The following NAALADL2 variants were observed in gnomAD, a reference collection of about 807,000 sequenced individuals.
NAALADL2 encodes inactive N-acetylated-alpha-linked acidic dipeptidase-like protein 2.
NAALADL2 carries 76 observed loss-of-function variants against 87.2 expected under a neutral mutation model. The observed-to-expected ratio is 0.87, with a 90% CI of 0.72 to 1.05. NAALADL2 has a LOEUF of 1.05. Among genes scored for constraint, NAALADL2 ranks in the 50% least tolerant of loss-of-function variants. The pLI is 0.00. For synonymous variants in NAALADL2, 354 were observed against 331.0 expected (o/e 1.07, Z -0.75); for missense variants, 1,089 against 945.8 (o/e 1.15, Z -1.99).
intron 9 of NAALADL2, among the ~76,000 whole-genome samples, chr3:175,510,838 G>A (rs1280197451): frequency 6.6e-6 from 1 of 152,074 alleles, no homozygotes. Flanking sequence ...CACCCCTAAA[G>A]TCAGGATGAT....
At chr3:174,748,496 C>T (rs1011464014) in intron 3 of NAALADL2, among the ~76,000 whole-genome samples, 25 of 152,012 alleles carry the variant, frequency 1.6e-4, no homozygotes, top group African/African-American at 5.8e-4. Flanking sequence ...CATTTCAAAC[C>T]TCTGGACCCC....
chr3:175,102,420 C>T (rs1425922334), intron 2 of NAALADL2, among the ~76,000 whole-genome samples: 2 of 152,158 alleles, frequency 1.3e-5, no homozygotes, highest in Admixed American at 6.6e-5. Flanking sequence ...GAATTGACCA[C>T]GTGCATTTCA....
chr3:175,605,727 C>T (rs183427290), intron 10 of NAALADL2, among the ~76,000 whole-genome samples: 20 of 144,414 alleles, frequency 1.4e-4, no homozygotes, highest in Non-Finnish European at 1.5e-5. Flanking sequence ...TTTTTTTAAA[C>T]CTGTATTTAG....
At chr3:174,767,343 C>G (rs1328072438) in intron 3 of NAALADL2, among the ~76,000 whole-genome samples, 1 of 152,048 alleles carries the variant, frequency 6.6e-6, no homozygotes, top group Non-Finnish European at 1.5e-5. Flanking sequence ...GTGTGAGATT[C>G]TTTTATTAAT....
intron 13 of NAALADL2, among the ~76,000 whole-genome samples, chr3:175,787,146 A>T (rs2150241116): frequency 6.6e-6 from 1 of 152,262 alleles, no homozygotes; most frequent in African/African-American, 2.4e-5. Context: ...AAGTCTGCAG[A>T]AGTTACTGCT....
At chr3:174,629,894 T>C (rs1042531301) in intron 2 of NAALADL2, among the ~76,000 whole-genome samples, 1 of 152,212 alleles carries the variant, frequency 6.6e-6, no homozygotes, top group African/African-American at 2.4e-5. Flanking sequence ...GGACCACAAA[T>C]GACTGATTAG....
chr3:175,250,163 C>T (rs1371657706), intron 3 of NAALADL2, among the ~76,000 whole-genome samples: 1 of 140,988 alleles, frequency 7.1e-6, no homozygotes, highest in Non-Finnish European at 1.5e-5. Context: ...GAGCAAAATT[C>T]GGTCTTAAAA....
chr3:175,377,296 AGT>A (rs1767248886), intron 5 of NAALADL2, among the ~76,000 whole-genome samples: 1 of 152,196 alleles, frequency 6.6e-6, no homozygotes, highest in Admixed American at 6.5e-5. Flanking sequence ...TGGGTGACAG[AGT>A]GACACTCTGT....
At chr3:174,585,898 T>G (rs1423870445) in intron 2 of NAALADL2, among the ~76,000 whole-genome samples, 1 of 152,184 alleles carries the variant, frequency 6.6e-6, no homozygotes, top group East Asian at 1.9e-4. Context: ...TCCATAACTT[T>G]GGGCAAGTTA....
chr3:174,632,184 T>C (rs1392145365), intron 2 of NAALADL2: 1 of 152,174 alleles, frequency 6.6e-6, no homozygotes, highest in Non-Finnish European at 1.5e-5. Flanking sequence ...TTTATGACTT[T>C]TCAGACTTAG....
chr3:175,042,397 C>T (rs992368699), intron 1 of NAALADL2, among the ~76,000 whole-genome samples: 68 of 152,066 alleles, frequency 4.5e-4, no homozygotes, highest in African/African-American at 1.6e-3. Flanking sequence ...AATAGTGGTA[C>T]AATAAATATG....
At chr3:175,065,896 A>C (rs1214609741) in intron 1 of NAALADL2, among the ~76,000 whole-genome samples, 1 of 152,160 alleles carries the variant, frequency 6.6e-6, no homozygotes, top group African/African-American at 2.4e-5. Context: ...TGAGCAACAG[A>C]GATATAGAGA....
intron 5 of NAALADL2, among the ~76,000 whole-genome samples, chr3:175,388,769 T>C (rs141944028): frequency 1.9e-3 from 294 of 152,240 alleles, no homozygotes; most frequent in African/African-American, 6.8e-3. Context: ...AGTGGATTGG[T>C]CATTTTTTAT....
intron 1 of NAALADL2, among the ~76,000 whole-genome samples, chr3:174,883,041 T>C (rs1415150320): frequency 6.6e-6 from 1 of 151,852 alleles, no homozygotes; most frequent in Admixed American, 6.6e-5. Flanking sequence ...ACTGAAGAAC[T>C]TGGAGTCCGA....
At chr3:175,392,846 G>C (rs1769242141) in intron 5 of NAALADL2, among the ~76,000 whole-genome samples, 1 of 152,142 alleles carries the variant, frequency 6.6e-6, no homozygotes, top group Admixed American at 6.5e-5. Context: ...GTGAGCACAG[G>C]ACAAACCACA....
intron 1 of NAALADL2, among the ~76,000 whole-genome samples, chr3:174,519,062 C>A (rs966169620): frequency 1.3e-5 from 2 of 152,120 alleles, no homozygotes; most frequent in African/African-American, 4.8e-5. Context: ...GTCTCCATCA[C>A]CTACCACCTG....
At position 174,823,435 on chromosome 3, in the gene NAALADL2, T is replaced by G. The variant is rs57275805; in HGVS notation, c.-9+85689T>G. Reference sequence around the variant, plus strand: ...GCTGCAGTATTCCTAGAGGGCAAATTTACAAAAGACCACTGGACCCAAATA... The same window carrying G: ...GCTGCAGTATTCCTAGAGGGCAAATGTACAAAAGACCACTGGACCCAAATA... On this transcript the variant is annotated intron_variant, in intron 3 of 3. Coordinates refer to the NAALADL2 transcript ENST00000434257. Among the ~76,000 whole-genome samples the G allele has an allele frequency of 6.8e-3, 1,038 of 152,270 alleles. 11 individuals are homozygous for G. The highest frequency in any genetic ancestry group is 0.024 in the African/African-American group (978 of 41,554).
At chr3:175,038,350 T>C (rs1753665601) in intron 1 of NAALADL2, among the ~76,000 whole-genome samples, 1 of 152,166 alleles carries the variant, frequency 6.6e-6, no homozygotes, top group Non-Finnish European at 1.5e-5. Context: ...ATGAATTTAC[T>C]GACACTTTCA....
Position 174,961,886 on chromosome 3 carries a change from T to C in NAALADL2, c.43+102436T>C, listed in dbSNP as rs1184341975. Among the ~76,000 whole-genome samples the C allele has an allele frequency of 2.0e-5, 3 of 152,082 alleles. No homozygotes were observed. The East Asian group carries it at 5.8e-4, about 29-fold the overall frequency. Reference sequence around the variant, plus strand: ...CATCTCATTCTCACAGCAACCCTGATGTAACCAGACTCTAATTTGGTCCCA... The same window carrying C: ...CATCTCATTCTCACAGCAACCCTGACGTAACCAGACTCTAATTTGGTCCCA... On this transcript the variant is annotated intron_variant, in intron 1 of 13. Coordinates refer to ENST00000454872, the MANE Select transcript of NAALADL2 (RefSeq NM_207015.3).
Sources: gnomAD v4.1 joint callset for allele counts (sites outside exome capture counted in the v4.1 genomes callset) on GRCh38, gnomAD v4.1.1 for gene constraint, MANE v1.5 for transcripts, NCBI Gene and HGNC (gene_info 2026-07-23, HGNC 2026-07-21) for gene names.